The following KIF12 variants were observed in gnomAD, a reference collection of about 807,000 sequenced individuals.
KIF12 encodes kinesin family member 12, also known as kinesin-like protein KIF12.
In KIF12, 80 loss-of-function variants were observed where a neutral mutation model predicts 87.9. That is an observed-to-expected ratio of 0.91 (90% CI 0.76 to 1.10). KIF12 has a LOEUF of 1.10. Ranked by LOEUF, KIF12 falls within the 50% of genes least tolerant of loss-of-function variation. KIF12 has a pLI of 0.00. For synonymous variants in KIF12, 353 were observed against 348.5 expected, an observed-to-expected ratio of 1.01 and a Z score of -0.14; for missense variants, 819 against 865.3, an observed-to-expected ratio of 0.95 and a Z score of 0.67.
At position 114,095,137 on chromosome 9, in the gene KIF12, G is replaced by A. The variant is rs377045474; in HGVS notation, c.1015-10C>T. 11 of 1,605,936 alleles carry A rather than the reference G, an allele frequency of 6.8e-6. No homozygotes were observed. In the African/African-American group the frequency reaches 9.4e-5, roughly 14 times the overall value. ...GGGACACGCAGGCCACCTGGGGAGT[G>A]CACTCCCCCTGAGCGCTCCTCTCTG... On this transcript the variant is annotated splice_polypyrimidine_tract_variant and intron_variant, in intron 10 of 18. Transcript: ENST00000640217.
In KIF12 at chr9:114,094,450, A is replaced by T. The variant is rs755506925; in HGVS notation, c.1125T>A (p.Pro375=). Residue 375 remains proline (P), a synonymous_variant, in exon 12 of 19, where the codon CCT becomes CCA. Transcript: ENST00000640217. ...CCAAACGCTGGGGCTGCTTTGCCAC[A>T]GGAGACTGTAGGGAAAGAGGCCCAG... ...VTTRPQAPKS[P]VAKQPQRLET... is the part of the protein sequence containing the mutation. 1 of 1,605,496 alleles carries T rather than the reference A, an allele frequency of 6.2e-7. No homozygotes were observed. Among genetic ancestry groups the T allele is most frequent in the Non-Finnish European group, 8.5e-7 (1 of 1,172,932 alleles).
intron 14 of KIF12, among the ~76,000 whole-genome samples, 181 bp from the exon 15 acceptor site, chr9:114,093,678 G>A (rs906401140): frequency 1.4e-4 from 21 of 152,182 alleles, no homozygotes; most frequent in Admixed American, 1.2e-3. Context: ...TAGGCACGAC[G>A]ATGAACCCCA....
At position 114,092,464 on chromosome 9, in the gene KIF12, G is replaced by A. The variant is rs779147044; in HGVS notation, c.1698-13C>T. ...GTCACTGTGACTCCTGGGCCAGGGT[G>A]AGTTGGGAGATGGGAGGTGAGCCTT... is the stretch of plus-strand genomic sequence containing the variant. On this transcript the variant is annotated splice_polypyrimidine_tract_variant and intron_variant, in intron 17 of 18. Transcript: ENST00000640217. 2 of 1,613,726 alleles carry A rather than the reference G, an allele frequency of 1.2e-6. No individual in the cohort carries two copies. The highest frequency in any genetic ancestry group is 1.7e-6 in the Non-Finnish European group (2 of 1,179,872).
At chr9:114,097,498 C>A (rs2134905125) in intron 6 of KIF12, 62 bp from the exon 7 acceptor site, 2 of 1,576,024 alleles carry the variant, frequency 1.3e-6, no homozygotes, top group African/African-American at 1.4e-5. Context: ...ATCCCCAGAT[C>A]TTACTGACAA....
intron 14 of KIF12, 134 bp downstream of exon 14, chr9:114,093,752 G>A: frequency 1.3e-6 from 1 of 749,550 alleles, no homozygotes; most frequent in Non-Finnish European, 2.2e-6. Flanking sequence ...GACACAGCTA[G>A]TAGGTGGCAG....
In KIF12 at chr9:114,094,254, C is replaced by T. The variant is rs1021273702; in HGVS notation, c.1240G>A (p.Ala414Thr). 1.2e-6 allele frequency: 2 copies of T among 1,614,084 alleles called. No homozygotes were observed. The highest frequency in any genetic ancestry group is 8.5e-7 in the Non-Finnish European group (1 of 1,179,996). Residue 414 changes from alanine (A) to threonine (T), a missense_variant, in exon 13 of 19, where the codon GCC becomes ACC. Ala to Thr is a moderately conservative substitution (Grantham distance 58). Transcript: ENST00000640217. The stretch of plus-strand genomic sequence containing the variant: ...TTCCGCTGGGCCCAGGCCACCCGGG[C>T]TCCACTGAGCCCTGAGGCTGCAGGG... ...MDCKASGLSG[A>T]RVAWAQRNLY...
Position 114,092,358 on chromosome 9 carries a change from G to T in KIF12, c.1791C>A (p.Pro597=), listed in dbSNP as rs1564378342. 4 of 1,602,614 alleles carry T rather than the reference G, an allele frequency of 2.5e-6. No homozygotes were observed. Among genetic ancestry groups the T allele is most frequent in the African/African-American group, 1.3e-5 (1 of 74,362 alleles). The change falls in exon 18 of 19, where the codon CCC becomes CCA. Residue 597 remains proline, a synonymous_variant. Coordinates refer to ENST00000640217, the MANE Select transcript of KIF12 (RefSeq NM_001388308.1). ...VPSAPPLPVR[P]PKTSPGLRGG... is the part of the protein sequence containing the mutation. ...CTCTGAGCCCTGGTGATGTCTTCGG[G>T]GGCCTCACAGGCAGGGGAGGTGCAG...
At chr9:114,097,546 C>T (rs1336643342) in intron 6 of KIF12, 61 bp downstream of exon 6, 1 of 1,603,014 alleles carries the variant, frequency 6.2e-7, no homozygotes, top group Non-Finnish European at 8.5e-7. Context: ...GATCCAGGCT[C>T]CCTGGAAAGA....
rs1847097551 is a variant in KIF12, at chr9:114,093,952, T to C, written c.1334A>G (p.Gln445Arg). The C allele has an allele frequency of 3.1e-6, 5 of 1,614,062 alleles. No homozygotes were observed. The East Asian group carries it at 1.1e-4, about 36-fold the overall frequency. Reference sequence around the variant, plus strand: ...ATTCTGGGCCAGGTCTCGGCTATTCTGCAGCTGGCTCTTTTCTTTCCTAGG... The same window carrying C: ...ATTCTGGGCCAGGTCTCGGCTATTCCGCAGCTGGCTCTTTTCTTTCCTAGG... ...ERLRKEKSQL[Q>R]NSRDLAQNEQ... is the part of the protein sequence containing the mutation. Residue 445 changes from glutamine (Q) to arginine (R), a missense_variant, in exon 14 of 19, where the codon CAG becomes CGG. Gln to Arg is a conservative substitution (Grantham distance 43). Coordinates refer to ENST00000640217, the MANE Select transcript of KIF12 (RefSeq NM_001388308.1).
At chr9:114,095,690 TG>T (rs2134893781) in intron 9 of KIF12, among the ~76,000 whole-genome samples, 1 of 152,310 alleles carries the variant, frequency 6.6e-6, no homozygotes, top group East Asian at 1.9e-4. Flanking sequence ...TCCAATACCC[TG>T]GGGTGGGGTT....
At position 114,098,389 on chromosome 9, in the gene KIF12, A is replaced by T. The variant is rs888227481; in HGVS notation, c.212T>A (p.Phe71Tyr). 6.6e-7 allele frequency: 1 copy of T among 1,513,164 alleles called. No homozygotes were observed. The highest frequency in any genetic ancestry group is 2.1e-5 in the Admixed American group (1 of 47,492). 93.7% of individuals were successfully genotyped at this position (1,513,164 alleles called of 1,614,324 possible). Residue 71 changes from phenylalanine (F) to tyrosine (Y), a missense_variant, in exon 4 of 19, where the codon TTC becomes TAC. Physicochemically the swap from Phe to Tyr is conservative, Grantham distance 22. Coordinates refer to ENST00000640217, the MANE Select transcript of KIF12 (RefSeq NM_001388308.1). Reference protein sequence around the residue: ...PGGGPEVAFRFGAVLDAARTQ... With the variant: ...PGGGPEVAFRYGAVLDAARTQ... Reference sequence around the variant, plus strand: ...GCGCGCCGCGTCTAGCACCGCACCGAAGCGGAACGCCACTTCTGGACCCCC... The same window carrying T: ...GCGCGCCGCGTCTAGCACCGCACCGTAGCGGAACGCCACTTCTGGACCCCC...
In KIF12 at chr9:114,097,406, G is replaced by A. The variant is rs747889277; in HGVS notation, c.541C>T (p.Arg181Trp). 2.2e-5 allele frequency: 36 copies of A among 1,601,614 alleles called. No homozygotes were observed. The highest frequency in any genetic ancestry group is 2.9e-5 in the Non-Finnish European group (34 of 1,176,140). The change falls in exon 7 of 19, where the codon CGG (arginine) becomes TGG (tryptophan). Residue 181 changes from arginine (R) to tryptophan (W), a missense_variant. Arg to Trp is a moderately radical substitution (Grantham distance 101). Coordinates refer to ENST00000640217, the MANE Select transcript of KIF12 (RefSeq NM_001388308.1). ...TTGTTCCAGCGAACAGGGAGGGGCCGGGGAGACCCCAGGCTCAGCAAGTCC... is the reference window on the plus strand; with the variant it reads ...TTGTTCCAGCGAACAGGGAGGGGCCAGGGAGACCCCAGGCTCAGCAAGTCC... ...VRDLLSLGSP[R>W]PLPVRWNKTR...
At position 114,096,098 on chromosome 9, in the gene KIF12, T is replaced by A. The variant is rs779303654; in HGVS notation, c.848A>T (p.Glu283Val). Residue 283 changes from glutamate to valine, a missense_variant, in exon 9 of 19, where the codon GAG (glutamate) becomes GTG (valine). Coordinates refer to ENST00000640217, the MANE Select transcript of KIF12 (RefSeq NM_001388308.1). ...GATGCTGTTAGCCTCAAGCATCAGC[T>A]CCCCACGGGATCCCGTGGCTGCTAC... The part of the protein sequence containing the change: ...EKVAATGSRG[E>V]LMLEANSINR... 2 of 1,613,632 alleles carry A rather than the reference T, an allele frequency of 1.2e-6. No individual in the cohort carries two copies. The highest frequency in any genetic ancestry group is 2.2e-5 in the East Asian group (1 of 44,832).
rs1375281852 is a variant in KIF12, at chr9:114,095,148, G to A, written c.1015-21C>T. The A allele has an allele frequency of 2.5e-6, 4 of 1,607,344 alleles. No individual in the cohort carries two copies. The African/African-American group carries it at 4.0e-5, about 16-fold the overall frequency. ...GCCACCTGGGGAGTGCACTCCCCCT[G>A]AGCGCTCCTCTCTGAGGGCCCCTTC... On this transcript the variant is annotated intron_variant, in intron 10 of 18. Coordinates refer to ENST00000640217, the MANE Select transcript of KIF12 (RefSeq NM_001388308.1).
intron 7 of KIF12, among the ~76,000 whole-genome samples, chr9:114,096,902 A>G (rs571341554): frequency 1.3e-4 from 20 of 152,202 alleles, no homozygotes; most frequent in Non-Finnish European, 2.5e-4. Flanking sequence ...AGGCTAGGCT[A>G]AGAGGTATGA....
intron 9 of KIF12, 97 bp downstream of exon 9, chr9:114,095,954 A>T (rs1847207368): frequency 1.5e-6 from 2 of 1,369,536 alleles, no homozygotes; most frequent in Non-Finnish European, 2.0e-6. Flanking sequence ...ACCCTCTTCT[A>T]TTTACTACAA....
intron 9 of KIF12, 94 bp from the exon 10 acceptor site, chr9:114,095,426 G>T: frequency 7.4e-7 from 1 of 1,343,876 alleles, no homozygotes. Flanking sequence ...ACCCAGGCCT[G>T]TGTTGCCCTA....
intron 11 of KIF12, 49 bp from the exon 12 acceptor site, chr9:114,094,504 C>T (rs1847130092): frequency 8.7e-7 from 1 of 1,150,052 alleles, no homozygotes; most frequent in South Asian, 1.3e-5. Context: ...ATAAGTCGTG[C>T]ACTGCACAAG....
chr9:114,093,992 A>G lies in KIF12; in HGVS notation c.1314-20T>C, dbSNP rs373273501. ...TCTTTCCTAGGGGAGATCACAAGCCAGGAAGGGGTAGGAAATGGGGCTGGG... is the reference window on the plus strand; with the variant it reads ...TCTTTCCTAGGGGAGATCACAAGCCGGGAAGGGGTAGGAAATGGGGCTGGG... On this transcript the variant is annotated intron_variant, in intron 13 of 18. Transcript: ENST00000640217. 2 of 1,605,352 alleles carry G rather than the reference A, an allele frequency of 1.2e-6. No individual in the cohort carries two copies. The highest frequency in any genetic ancestry group is 1.7e-6 in the Non-Finnish European group (2 of 1,172,696).
Sources: allele counts gnomAD v4.1 joint callset (sites outside exome capture counted in the v4.1 genomes callset), GRCh38; gene constraint gnomAD v4.1.1; transcripts MANE v1.5; gene names NCBI Gene and HGNC (gene_info 2026-07-23, HGNC 2026-07-21).